The following VCF1 variants were observed in gnomAD, a reference collection of about 807,000 sequenced individuals.
VCF1 encodes VCP nuclear cofactor family member 1.
At chr17:73,209,853 TAA>T in the VCF1 span, 1 of 1,503,228 alleles carries the variant, frequency 6.7e-7, no homozygotes. Flanking sequence ...AGCGCTCTAT[TAA>T]GAGTACCTTT....
At chr17:73,210,240 A>G in the VCF1 span, among the ~76,000 whole-genome samples, 5 of 152,332 alleles carry the variant, frequency 3.3e-5, no homozygotes, top group African/African-American at 4.8e-5. Context: ...CTAAAAGCCT[A>G]TGCCAATTTT....
At chr17:73,209,960 G>T in the VCF1 span, among the ~76,000 whole-genome samples, 1 of 152,186 alleles carries the variant, frequency 6.6e-6, no homozygotes, top group African/African-American at 2.4e-5. Flanking sequence ...CAGCCACCCT[G>T]TCAGGCTGAG....
chr17:73,217,415 G>GC, the VCF1 span, among the ~76,000 whole-genome samples: 4 of 150,952 alleles, frequency 2.6e-5, no homozygotes, highest in Non-Finnish European at 5.9e-5. Flanking sequence ...GACTTTGGAG[G>GC]CCCAGACAGG....
chr17:73,223,567 C>T, the VCF1 span, among the ~76,000 whole-genome samples: 2 of 151,842 alleles, frequency 1.3e-5, no homozygotes, highest in South Asian at 4.1e-4. Flanking sequence ...TCCTAGTACT[C>T]GCCATTATTA....
At chr17:73,225,925 G>A in the VCF1 span, among the ~76,000 whole-genome samples, 220 of 124,524 alleles carry the variant, frequency 1.8e-3, no homozygotes, top group African/African-American at 6.0e-3. Flanking sequence ...TTTCTGAAAC[G>A]GAGTCTTGCT....
At chr17:73,228,292 T>G in the VCF1 span, among the ~76,000 whole-genome samples, 2 of 152,246 alleles carry the variant, frequency 1.3e-5, no homozygotes, top group African/African-American at 4.8e-5. Context: ...GACAAAAGGC[T>G]AGTGTGGACA....
the VCF1 span, chr17:73,208,828 A>G: frequency 5.9e-6 from 2 of 341,112 alleles, no homozygotes; most frequent in South Asian, 2.4e-5. Context: ...CTAAAGTCTG[A>G]GGTGCAGACT....
the VCF1 span, chr17:73,227,781 T>C: frequency 2.1e-5 from 8 of 381,648 alleles, no homozygotes; most frequent in South Asian, 6.4e-4. Context: ...GATATAACAA[T>C]TACTTCACTA....
chr17:73,227,585 A>G, the VCF1 span: 59 of 979,792 alleles, frequency 6.0e-5, no homozygotes, highest in Non-Finnish European at 7.1e-5. Flanking sequence ...CCTCTAACCT[A>G]ATTAAGGTTT....
the VCF1 span, among the ~76,000 whole-genome samples, chr17:73,231,329 A>G: frequency 1.3e-5 from 2 of 152,194 alleles, no homozygotes; most frequent in African/African-American, 4.8e-5. Context: ...GGAAATTAAG[A>G]GAGAGAAAAA....
chr17:73,218,480 CT>C, the VCF1 span, among the ~76,000 whole-genome samples: 112,682 of 152,106 alleles, frequency 0.74, 43,181 homozygotes, highest in Non-Finnish European at 0.84. Flanking sequence ...ATTAGTATCA[CT>C]TTCACTTTGT....
chr17:73,228,411 G>C, the VCF1 span, among the ~76,000 whole-genome samples: 6 of 152,276 alleles, frequency 3.9e-5, no homozygotes, highest in East Asian at 1.2e-3. Context: ...TAATCCTAAA[G>C]GTTTTGAGTT....
At chr17:73,217,125 T>C in the VCF1 span, among the ~76,000 whole-genome samples, 3 of 151,116 alleles carry the variant, frequency 2.0e-5, no homozygotes, top group Non-Finnish European at 4.4e-5. Context: ...AGGCCAGGAG[T>C]TCGAGACCAG....
the VCF1 span, among the ~76,000 whole-genome samples, chr17:73,211,348 C>T: frequency 6.6e-6 from 1 of 152,084 alleles, no homozygotes; most frequent in African/African-American, 2.4e-5. Context: ...GGTGCAGTGG[C>T]TCATGCCTCA....
chr17:73,218,281 C>T, the VCF1 span, among the ~76,000 whole-genome samples: 2 of 152,158 alleles, frequency 1.3e-5, no homozygotes, highest in East Asian at 1.9e-4. Context: ...ATTGGTGACA[C>T]AAGATTCCAA....
the VCF1 span, chr17:73,231,990 G>A: frequency 7.5e-7 from 1 of 1,339,320 alleles, no homozygotes. Context: ...GCCCCGCCGG[G>A]TCCACTCTTG....
chr17:73,210,763 T>A, the VCF1 span, among the ~76,000 whole-genome samples: 7 of 150,640 alleles, frequency 4.6e-5, no homozygotes, highest in African/African-American at 1.7e-4. Flanking sequence ...CGTTATTTTT[T>A]TTTTTTTTTT....
the VCF1 span, among the ~76,000 whole-genome samples, chr17:73,213,078 T>C: frequency 2.0e-5 from 3 of 152,100 alleles, no homozygotes; most frequent in East Asian, 3.9e-4. Context: ...ACCCCGTCTC[T>C]ACTAAAAATA....
the VCF1 span, chr17:73,227,590 A>T: frequency 1.0e-6 from 1 of 987,540 alleles, no homozygotes; most frequent in African/African-American, 1.7e-5. Context: ...AACCTAATTA[A>T]GGTTTTCTTC....
Sources: allele counts gnomAD v4.1 joint callset (sites outside exome capture counted in the v4.1 genomes callset), GRCh38; gene constraint gnomAD v4.1.1; transcripts MANE v1.5; gene names NCBI Gene and HGNC (gene_info 2026-07-23, HGNC 2026-07-21).